The following SLC8A1 variants were observed in gnomAD, a reference collection of about 807,000 sequenced individuals.
SLC8A1 encodes sodium/calcium exchanger 1.
A neutral mutation model predicts 68.3 loss-of-function variants in SLC8A1; 18 were observed. That is an observed-to-expected ratio of 0.26 (90% confidence interval 0.18 to 0.39). The LOEUF (loss-of-function observed/expected upper bound fraction) is 0.39. Among genes scored for constraint, SLC8A1 ranks in the 10% least tolerant of loss-of-function variants. The pLI, the probability that SLC8A1 is intolerant of heterozygous loss-of-function variation, is 1.00. For synonymous variants in SLC8A1, 475 were observed against 415.5 expected, an observed-to-expected ratio of 1.14 and a Z score of -1.74; for missense variants, 985 against 1,156.7, an observed-to-expected ratio of 0.85 and a Z score of 2.15.
chr2:40,153,343 C>T (rs913117058), intron 6 of SLC8A1, among the ~76,000 whole-genome samples: 3 of 152,160 alleles, frequency 2.0e-5, no homozygotes, highest in Non-Finnish European at 2.9e-5. Context: ...TTGTCCAGAG[C>T]CCCATAACTA....
At chr2:40,121,767 AATT>A (rs1408547792) in intron 7 of SLC8A1, among the ~76,000 whole-genome samples, 1 of 152,200 alleles carries the variant, frequency 6.6e-6, no homozygotes, top group Non-Finnish European at 1.5e-5. Context: ...CATGGTAGGG[AATT>A]CTGACTATTG....
chr2:40,465,539 C>G (rs1703620694), intron 1 of SLC8A1, among the ~76,000 whole-genome samples: 1 of 152,132 alleles, frequency 6.6e-6, no homozygotes, highest in African/African-American at 2.4e-5. Flanking sequence ...CATCTGATTA[C>G]TACATCATCT....
At chr2:40,432,400 A>AG (rs752280438) in intron 1 of SLC8A1, among the ~76,000 whole-genome samples, 15 of 63,270 alleles carry the variant, frequency 2.4e-4, no homozygotes, top group South Asian at 8.4e-4. Flanking sequence ...AGAGTGTGAG[A>AG]TTGTGTGTGT....
chr2:40,168,085 G>T (rs1207157234), intron 4 of SLC8A1, among the ~76,000 whole-genome samples: 1 of 152,044 alleles, frequency 6.6e-6, no homozygotes, highest in African/African-American at 2.4e-5. Flanking sequence ...ACATCTCATT[G>T]TACTCCATAC....
intron 1 of SLC8A1, among the ~76,000 whole-genome samples, chr2:40,489,342 C>G (rs1003583876): frequency 1.3e-5 from 2 of 152,024 alleles, no homozygotes; most frequent in African/African-American, 2.4e-5. Context: ...AGCATACGTG[C>G]AAACACATGT....
chr2:40,209,855 A>G (rs1332155687), intron 2 of SLC8A1: 1 of 152,482 alleles, frequency 6.6e-6, no homozygotes, highest in Non-Finnish European at 1.5e-5. Flanking sequence ...GGGGAGAAGA[A>G]GGCTTGACTG....
chr2:40,390,625 C>A (rs1248339208), intron 2 of SLC8A1, among the ~76,000 whole-genome samples: 1 of 152,090 alleles, frequency 6.6e-6, no homozygotes, highest in Non-Finnish European at 1.5e-5. Context: ...ACTTGAGGAA[C>A]CACCATCTTA....
chr2:40,461,458 A>G (rs1703334830), intron 1 of SLC8A1, among the ~76,000 whole-genome samples: 1 of 152,184 alleles, frequency 6.6e-6, no homozygotes, highest in Non-Finnish European at 1.5e-5. Flanking sequence ...GTAATCTGAG[A>G]ATATCCGGTC....
At chr2:40,178,475 C>T in intron 2 of SLC8A1, 1 of 1,613,096 alleles carries the variant, frequency 6.2e-7, no homozygotes, top group Non-Finnish European at 8.5e-7. Context: ...CATCAATTAC[C>T]TTGACTGATA....
intron 1 of SLC8A1, among the ~76,000 whole-genome samples, chr2:40,511,231 C>T (rs1298196915): frequency 6.6e-6 from 1 of 152,088 alleles, no homozygotes; most frequent in African/African-American, 2.4e-5. Flanking sequence ...GAATTATGGA[C>T]ACATTATTCT....
At chr2:40,190,981 A>G (rs1438321692) in intron 2 of SLC8A1, among the ~76,000 whole-genome samples, 1 of 148,906 alleles carries the variant, frequency 6.7e-6, no homozygotes, top group Non-Finnish European at 1.5e-5. Context: ...TTGCACTTTT[A>G]AAGGAATATT....
intron 2 of SLC8A1, among the ~76,000 whole-genome samples, chr2:40,385,428 A>G (rs974290171): frequency 3.3e-5 from 4 of 120,802 alleles, no homozygotes; most frequent in Non-Finnish European, 1.6e-5. Context: ...TCAAATCACC[A>G]TTTTTCAAAG....
chr2:40,123,099 A>T (rs1054914762), intron 7 of SLC8A1: 5 of 152,228 alleles, frequency 3.3e-5, no homozygotes, highest in African/African-American at 7.2e-5. Context: ...ATAAGACTCC[A>T]CTACACACAC....
rs1558487740 is a variant in SLC8A1, at chr2:40,136,768, CA to C, written c.2437+2632del. On this transcript the variant is annotated intron_variant, in intron 7 of 7. Coordinates refer to ENST00000406785, the Ensembl canonical transcript of SLC8A1. ...AAACATTGCTCTGAATCAGCAGGGTCAAAAAATAAAGTCAGAAATGTGATGT... is the reference window on the plus strand; with the variant it reads ...AAACATTGCTCTGAATCAGCAGGGTCAAAAATAAAGTCAGAAATGTGATGT... Among the ~76,000 whole-genome samples, 4 of 152,106 alleles carry C rather than the reference CA, an allele frequency of 2.6e-5. No individual in the cohort carries two copies. In the East Asian group the frequency reaches 7.7e-4, roughly 29 times the overall value.
At chr2:40,494,014 C>CTT (rs552685283) in intron 1 of SLC8A1, among the ~76,000 whole-genome samples, 2 of 149,252 alleles carry the variant, frequency 1.3e-5, no homozygotes, top group African/African-American at 4.9e-5. Context: ...CTTGGATAAA[C>CTT]TTTTTTTTTT....
chr2:40,145,870 CCTTAT>C (rs2148334811), intron 6 of SLC8A1, among the ~76,000 whole-genome samples: 1 of 152,330 alleles, frequency 6.6e-6, no homozygotes, highest in Non-Finnish European at 1.5e-5. Context: ...CATGCTTTTA[CCTTAT>C]GTCTAGTGAC....
intron 1 of SLC8A1, among the ~76,000 whole-genome samples, chr2:40,464,903 A>T (rs544373881): frequency 6.6e-6 from 1 of 152,206 alleles, no homozygotes; most frequent in East Asian, 1.9e-4. Flanking sequence ...TTAGATAATA[A>T]ATGAGATTGA....
chr2:40,431,275 G>A (rs1698232755), intron 1 of SLC8A1, among the ~76,000 whole-genome samples: 3 of 149,420 alleles, frequency 2.0e-5, no homozygotes, highest in Admixed American at 2.0e-4. Flanking sequence ...ATTTTCCATG[G>A]TCATTCTAAA....
intron 1 of SLC8A1, among the ~76,000 whole-genome samples, chr2:40,495,733 G>T (rs2149929988): frequency 6.6e-6 from 1 of 152,172 alleles, no homozygotes; most frequent in East Asian, 1.9e-4. Context: ...GAAGATCAAT[G>T]ACTGAATTTA....
Sources: gnomAD v4.1 joint callset for allele counts (sites outside exome capture counted in the v4.1 genomes callset) on GRCh38, gnomAD v4.1.1 for gene constraint, MANE v1.5 for transcripts, NCBI Gene and HGNC (gene_info 2026-07-23, HGNC 2026-07-21) for gene names.